ASH1L: variants seen among roughly 807,000 people sequenced by gnomAD.
ASH1L encodes ASH1 like histone lysine methyltransferase.
In ASH1L, 23 loss-of-function variants were observed where a neutral mutation model predicts 269.0. That is an observed-to-expected ratio of 0.09 (90% CI 0.06 to 0.12). The LOEUF is 0.12. ASH1L is among the 10% of genes least tolerant of loss of function. The pLI, the probability that ASH1L is intolerant of heterozygous loss-of-function variation, is 1.00. For missense variants in ASH1L, 2,912 were observed against 3,567.8 expected (o/e 0.82, Z 4.68); for synonymous variants, 1,187 against 1,253.5 (o/e 0.95, Z 1.12).
At chr1:155,426,147 C>T (rs749408394) in intron 5 of ASH1L, among the ~76,000 whole-genome samples, 86 of 152,140 alleles carry the variant, frequency 5.7e-4, no homozygotes, top group Non-Finnish European at 6.2e-4. Flanking sequence ...TCACTGCAAC[C>T]TCTGCCTCCC....
chr1:155,514,499 G>A (rs1014324999), intron 2 of ASH1L, among the ~76,000 whole-genome samples: 8 of 151,784 alleles, frequency 5.3e-5, no homozygotes, highest in Admixed American at 4.6e-4. Flanking sequence ...ATTTTAATGC[G>A]CATTTCTCAC....
At chr1:155,434,821 A>T (rs1245326138) in intron 5 of ASH1L, among the ~76,000 whole-genome samples, 1 of 152,190 alleles carries the variant, frequency 6.6e-6, no homozygotes, top group Non-Finnish European at 1.5e-5. Flanking sequence ...ACTGTATACC[A>T]GCCTGGGCGA....
At chr1:155,411,362 A>G (rs887782902) in intron 6 of ASH1L, among the ~76,000 whole-genome samples, 9 of 151,530 alleles carry the variant, frequency 5.9e-5, no homozygotes, top group Admixed American at 2.0e-4. Context: ...TCTAACATAC[A>G]TAAAGTGATA....
chr1:155,431,437 G>A (rs73010925), intron 5 of ASH1L, among the ~76,000 whole-genome samples: 279 of 151,866 alleles, frequency 1.8e-3, no homozygotes, highest in African/African-American at 6.5e-3. Context: ...CCACAGACAC[G>A]AGCCACCACG....
At chr1:155,511,868 T>C (rs1035259697) in intron 2 of ASH1L, among the ~76,000 whole-genome samples, 12 of 151,942 alleles carry the variant, frequency 7.9e-5, no homozygotes, top group Non-Finnish European at 1.6e-4. Context: ...TGGAGTGCAA[T>C]GCCGGGATCT....
chr1:155,556,314 A>C (rs1364394804), intron 1 of ASH1L, among the ~76,000 whole-genome samples: 2 of 152,106 alleles, frequency 1.3e-5, no homozygotes, highest in Non-Finnish European at 2.9e-5. Flanking sequence ...GGGAGGATCA[A>C]CTGAGCCTGG....
intron 12 of ASH1L, among the ~76,000 whole-genome samples, chr1:155,368,466 T>C (rs1429061879): frequency 4.6e-5 from 7 of 151,780 alleles, no homozygotes; most frequent in South Asian, 2.1e-4. Context: ...CTTTCTTCTT[T>C]TTTTTTTTTG....
chr1:155,481,122 A>G lies in ASH1L; in HGVS notation c.1748T>C (p.Leu583Ser). The G allele has an allele frequency of 6.2e-7, 1 of 1,614,108 alleles. No individual in the cohort carries two copies. The highest frequency in any genetic ancestry group is 1.1e-5 in the South Asian group (1 of 91,080). ...TAGTTCTGTAGTAGAACTTAAAAGTAATGGATTAGGAGCCAACTGTGAAGA... is the reference window on the plus strand; with the variant it reads ...TAGTTCTGTAGTAGAACTTAAAAGTGATGGATTAGGAGCCAACTGTGAAGA... ...ETSSQLAPNP[L>S]LLSSTTELIE... Residue 583 changes from leucine to serine, a missense_variant, in exon 3 of 28, where the codon TTA (leucine) becomes TCA (serine). Transcript: ENST00000392403.
chr1:155,357,848 G>A (rs1237858564), intron 13 of ASH1L, 99 bp from the exon 14 acceptor site: 1 of 1,195,300 alleles, frequency 8.4e-7, no homozygotes, highest in Non-Finnish European at 1.1e-6. Context: ...ATGGCTCACT[G>A]CAGTCTCAAC....
chr1:155,410,630 G>A (rs1659684008), intron 6 of ASH1L, among the ~76,000 whole-genome samples: 1 of 151,796 alleles, frequency 6.6e-6, no homozygotes, highest in South Asian at 2.1e-4. Flanking sequence ...GTGAGCAATC[G>A]CACCTGGCCT....
chr1:155,345,174 CTTTTTTTTT>C (rs397981613), intron 21 of ASH1L, among the ~76,000 whole-genome samples: 2 of 64,038 alleles, frequency 3.1e-5, no homozygotes, highest in African/African-American at 6.5e-5. Context: ...CCAGGATGGT[CTTTTTTTTT>C]TTTTTTTTTT....
At chr1:155,514,263 T>C (rs1309518938) in intron 2 of ASH1L, among the ~76,000 whole-genome samples, 1 of 152,218 alleles carries the variant, frequency 6.6e-6, no homozygotes, top group Non-Finnish European at 1.5e-5. Flanking sequence ...ATTATACACT[T>C]ACAAATGGTT....
intron 5 of ASH1L, among the ~76,000 whole-genome samples, chr1:155,432,219 C>G (rs1661664568): frequency 6.6e-6 from 1 of 152,140 alleles, no homozygotes; most frequent in African/African-American, 2.4e-5. Context: ...CTTTTTCAGA[C>G]TTTTGTGTAT....
intron 16 of ASH1L, 47 bp downstream of exon 16, chr1:155,354,426 A>G: frequency 1.3e-6 from 2 of 1,559,960 alleles, no homozygotes; most frequent in Non-Finnish European, 1.7e-6. Context: ...CTGGGCAACA[A>G]GAGTGAAACT....
chr1:155,343,320 A>G lies in ASH1L; in HGVS notation c.8287T>C (p.Cys2763Arg), dbSNP rs530014281. 2 of 1,612,336 alleles carry G rather than the reference A, an allele frequency of 1.2e-6. No individual in the cohort carries two copies. Among genetic ancestry groups the G allele is most frequent in the Non-Finnish European group, 1.7e-6 (2 of 1,179,242 alleles). ...ACTAGCCCAGATCACTTACCTTTAC[A>G]ATACGTATAAAGGTCCAACACACAG... ...TCCVLDLYTY[C>R]KGRPKGVKEQ... is the part of the protein sequence containing the mutation. Residue 2763 changes from cysteine (C) to arginine (R), a missense_variant, in exon 24 of 28, where the codon TGT becomes CGT. Coordinates refer to ENST00000392403, the MANE Select transcript of ASH1L (RefSeq NM_018489.3). This position sits in a 1 kb window ranked among gnomAD's most constrained non-coding sequence, Gnocchi z 6.1.
At chr1:155,445,369 G>C (rs966638695) in intron 4 of ASH1L, among the ~76,000 whole-genome samples, 1 of 152,100 alleles carries the variant, frequency 6.6e-6, no homozygotes, top group East Asian at 1.9e-4. Context: ...ATTTTTAGTA[G>C]AGATGGGGTT....
At chr1:155,432,688 A>G (rs1165518365) in intron 5 of ASH1L, among the ~76,000 whole-genome samples, 2 of 152,202 alleles carry the variant, frequency 1.3e-5, no homozygotes, top group Non-Finnish European at 2.9e-5. Flanking sequence ...AATTTTGCTG[A>G]CCATGATACT....
At chr1:155,399,306 G>T (rs866054741) in intron 6 of ASH1L, among the ~76,000 whole-genome samples, 1 of 152,180 alleles carries the variant, frequency 6.6e-6, no homozygotes, top group Non-Finnish European at 1.5e-5. Flanking sequence ...AAGTATGTAT[G>T]TAGATATCTA....
At chr1:155,428,746 TC>T (rs1277953694) in intron 5 of ASH1L, among the ~76,000 whole-genome samples, 1 of 152,234 alleles carries the variant, frequency 6.6e-6, no homozygotes, top group African/African-American at 2.4e-5. Context: ...TTTCGGCCCA[TC>T]CCTTTGTTTC....
Sources: gnomAD v4.1 joint callset for allele counts (sites outside exome capture counted in the v4.1 genomes callset) on GRCh38, gnomAD v4.1.1 for gene constraint, Gnocchi (gnomAD v3.1) non-coding constraint, MANE v1.5 for transcripts, NCBI Gene and HGNC (gene_info 2026-07-23, HGNC 2026-07-21) for gene names.